SLC38A9: variants seen among roughly 807,000 people sequenced by gnomAD.
SLC38A9 encodes solute carrier family 38 member 9.
Under a neutral mutation model 62.3 loss-of-function variants are expected in SLC38A9, and 48 were observed. The ratio of observed to expected loss-of-function variants is 0.77; its 90% CI spans 0.61 to 0.98. The LOEUF is 0.98. Ranked by LOEUF, SLC38A9 falls within the 50% of genes least tolerant of loss-of-function variation. The pLI, the probability that SLC38A9 is intolerant of heterozygous loss-of-function variation, is 0.00. For missense variants in SLC38A9, 541 were observed against 679.8 expected (o/e 0.80, Z 2.27); for synonymous variants, 204 against 227.7 (o/e 0.90, Z 0.94).
chr5:55,663,384 T>C (rs1749954880), intron 8 of SLC38A9, among the ~76,000 whole-genome samples: 1 of 151,690 alleles, frequency 6.6e-6, no homozygotes, highest in Non-Finnish European at 1.5e-5. Context: ...TATACTGGTA[T>C]TTATATTAGC....
chr5:55,651,526 G>T (rs931141972), intron 10 of SLC38A9, among the ~76,000 whole-genome samples: 9 of 152,034 alleles, frequency 5.9e-5, no homozygotes, highest in Admixed American at 2.0e-4. Flanking sequence ...GGGAATACAG[G>T]CGTGAGCCAC....
At chr5:55,650,724 T>G (rs1170545668) in intron 10 of SLC38A9, among the ~76,000 whole-genome samples, 1 of 152,210 alleles carries the variant, frequency 6.6e-6, no homozygotes, top group Non-Finnish European at 1.5e-5. Context: ...AGAAATAATT[T>G]TAACTTTTCC....
intron 10 of SLC38A9, among the ~76,000 whole-genome samples, chr5:55,651,246 A>AATTTTTT (rs1747394648): frequency 8.8e-6 from 1 of 114,100 alleles, no homozygotes; most frequent in African/African-American, 3.4e-5. Flanking sequence ...TCCTTTTGCC[A>AATTTTTT]TCTTTTTTTT....
chr5:55,684,021 T>C (rs765450011), intron 3 of SLC38A9, among the ~76,000 whole-genome samples: 1 of 152,226 alleles, frequency 6.6e-6, no homozygotes, highest in Non-Finnish European at 1.5e-5. Context: ...CAACATTCAT[T>C]ATTGTCACTG....
chr5:55,628,022 A>T (rs965343798), intron 14 of SLC38A9, 42 bp from the exon 15 acceptor site: 1 of 1,330,924 alleles, frequency 7.5e-7, no homozygotes, highest in Non-Finnish European at 1.1e-6. Context: ...AAAAAATATA[A>T]AAATAGGCAA....
chr5:55,694,179 G>T (rs1483757352), intron 3 of SLC38A9: 1 of 222,964 alleles, frequency 4.5e-6, no homozygotes, highest in South Asian at 6.6e-5. Flanking sequence ...TCACACTCCA[G>T]TGTGGGCTAC....
chr5:55,676,862 C>A (rs1017413332), intron 3 of SLC38A9, among the ~76,000 whole-genome samples: 4 of 142,806 alleles, frequency 2.8e-5, no homozygotes, highest in African/African-American at 5.1e-5. Context: ...AAAAAAAAAA[C>A]ATGTTACACA....
At chr5:55,677,330 G>A (rs777837308) in intron 3 of SLC38A9, among the ~76,000 whole-genome samples, 57 of 152,138 alleles carry the variant, frequency 3.7e-4, no homozygotes, top group Non-Finnish European at 7.4e-5. Context: ...TGATTCTAAC[G>A]TAAAGTATTC....
intron 3 of SLC38A9, among the ~76,000 whole-genome samples, chr5:55,692,326 G>A (rs576708216): frequency 4.0e-4 from 61 of 152,206 alleles, no homozygotes; most frequent in African/African-American, 1.3e-3. Flanking sequence ...AAAGTCATAA[G>A]GTAACTCTAA....
intron 12 of SLC38A9, among the ~76,000 whole-genome samples, chr5:55,638,468 C>CTT (rs1307141500): frequency 6.6e-6 from 1 of 152,164 alleles, no homozygotes; most frequent in Non-Finnish European, 1.5e-5. Context: ...GTAACTGACT[C>CTT]TGTCTTGTGA....
chr5:55,673,753 C>T (rs1751694811), intron 3 of SLC38A9, among the ~76,000 whole-genome samples: 1 of 149,008 alleles, frequency 6.7e-6, no homozygotes, highest in South Asian at 2.1e-4. Context: ...ACTCTATCGC[C>T]TAGGCTGGAG....
At chr5:55,684,798 C>T (rs182110833) in intron 3 of SLC38A9, among the ~76,000 whole-genome samples, 14 of 152,208 alleles carry the variant, frequency 9.2e-5, no homozygotes, top group East Asian at 1.9e-4. Context: ...GGATTACAGG[C>T]GCCTGCCACC....
At chr5:55,697,676 T>A (rs12655532) in intron 3 of SLC38A9, among the ~76,000 whole-genome samples, 170 bp downstream of exon 3, 12,544 of 135,812 alleles carry the variant, frequency 0.092, 692 homozygotes, top group East Asian at 0.19. Flanking sequence ...AAAAAAAAAA[T>A]ATAAACCAGT....
In SLC38A9 at chr5:55,652,612, G is replaced by A. The variant is rs985005519; in HGVS notation, c.869C>T (p.Thr290Ile). 2.5e-6 allele frequency: 4 copies of A among 1,613,810 alleles called. No homozygotes were observed. The highest frequency in any genetic ancestry group is 3.4e-6 in the Non-Finnish European group (4 of 1,179,840). ...QFEKWWDKSR[T>I]VPFYLVGLLL... Reference sequence around the variant, plus strand: ...GAGCCCTACAAGATAAAAGGGGACTGTCCTGGACTTATCCCACCACTTTTC... The same window carrying A: ...GAGCCCTACAAGATAAAAGGGGACTATCCTGGACTTATCCCACCACTTTTC... Residue 290 changes from threonine (T) to isoleucine (I), a missense_variant, in exon 10 of 16, where the codon ACA (threonine) becomes ATA (isoleucine). Transcript: ENST00000396865.
At chr5:55,658,235 C>G (rs1423367483) in intron 8 of SLC38A9, among the ~76,000 whole-genome samples, 1 of 152,082 alleles carries the variant, frequency 6.6e-6, no homozygotes, top group African/African-American at 2.4e-5. Flanking sequence ...ATGACTGCAA[C>G]CTCCACCTCC....
intron 2 of SLC38A9, chr5:55,703,924 A>G (rs1740446747): frequency 1.3e-5 from 2 of 152,334 alleles, no homozygotes. Flanking sequence ...CTAAGGCAGG[A>G]GGACCCTTTG....
At chr5:55,645,681 T>C (rs1746212253) in intron 12 of SLC38A9, 108 bp downstream of exon 12, 1 of 758,738 alleles carries the variant, frequency 1.3e-6, no homozygotes, top group East Asian at 2.8e-5. Flanking sequence ...ATTAAGATCT[T>C]GTAACAAAAT....
intron 4 of SLC38A9, among the ~76,000 whole-genome samples, chr5:55,670,894 T>C (rs192387696): frequency 6.6e-6 from 1 of 152,140 alleles, no homozygotes; most frequent in Non-Finnish European, 1.5e-5. Flanking sequence ...AAAAAAAAAT[T>C]GGGAAAAAAA....
chr5:55,672,711 A>G lies in SLC38A9; in HGVS notation c.114-16T>C. The G allele has an allele frequency of 1.3e-6, 2 of 1,598,302 alleles. No homozygotes were observed. Among genetic ancestry groups the G allele is most frequent in the Non-Finnish European group, 1.7e-6 (2 of 1,174,414 alleles). ...ACAGAAAGGCCTACAAAGGGAATAT[A>G]CACTTGACAAAAAGTGTTCAGCCAA... On this transcript the variant is annotated splice_polypyrimidine_tract_variant and intron_variant, in intron 3 of 15. Coordinates refer to ENST00000396865, the MANE Select transcript of SLC38A9 (RefSeq NM_173514.4).
Sources: allele counts gnomAD v4.1 joint callset (sites outside exome capture counted in the v4.1 genomes callset), GRCh38; gene constraint gnomAD v4.1.1; transcripts MANE v1.5; gene names NCBI Gene and HGNC (gene_info 2026-07-23, HGNC 2026-07-21).